Variants in MCUB observed in about 807,000 individuals in gnomAD.
MCUB encodes mitochondrial calcium uniporter dominant negative subunit beta, also known as calcium uniporter regulatory subunit MCUb, mitochondrial.
Under a neutral mutation model 41.4 loss-of-function variants are expected in MCUB, and 46 were observed. The observed-to-expected ratio is 1.11, with a 90% CI of 0.88 to 1.42. MCUB has a LOEUF of 1.42. MCUB is among the 40% of genes most tolerant of loss of function. The pLI is 0.00. For synonymous variants in MCUB, 148 were observed against 148.2 expected, an observed-to-expected ratio of 1.00 and a Z score of 0.01; for missense variants, 403 against 404.9, an observed-to-expected ratio of 1.00 and a Z score of 0.04.
intron 1 of MCUB, among the ~76,000 whole-genome samples, chr4:109,603,547 C>A (rs1158489294): frequency 6.6e-6 from 1 of 151,792 alleles, no homozygotes; most frequent in Non-Finnish European, 1.5e-5. Context: ...GTGTCTCTGC[C>A]TGGCTGCCCA....
At chr4:109,597,369 C>T (rs1480278446) in intron 1 of MCUB, among the ~76,000 whole-genome samples, 2 of 150,276 alleles carry the variant, frequency 1.3e-5, no homozygotes, top group African/African-American at 2.4e-5. Context: ...GGGCTGACCC[C>T]CCCACCTCCC....
intron 1 of MCUB, among the ~76,000 whole-genome samples, chr4:109,647,223 G>A (rs1285047477): frequency 6.6e-6 from 1 of 152,074 alleles, no homozygotes; most frequent in Non-Finnish European, 1.5e-5. Context: ...TTACATTAGG[G>A]TTCACTCTTG....
At chr4:109,607,379 G>A (rs1169436601) in intron 1 of MCUB, among the ~76,000 whole-genome samples, 1 of 151,812 alleles carries the variant, frequency 6.6e-6, no homozygotes, top group African/African-American at 2.4e-5. Context: ...CACCACGCCC[G>A]GCTAATTTTT....
At chr4:109,668,123 A>G (rs1035061438) in intron 4 of MCUB, among the ~76,000 whole-genome samples, 12 of 152,114 alleles carry the variant, frequency 7.9e-5, no homozygotes, top group Non-Finnish European at 1.5e-4. Context: ...GTTGTTGGAT[A>G]GTCTATAGAT....
intron 1 of MCUB, 99 bp downstream of exon 1, chr4:109,560,535 C>T: frequency 1.8e-6 from 1 of 568,258 alleles, no homozygotes; most frequent in Non-Finnish European, 2.6e-6. Context: ...GCCGAGCAGT[C>T]AACTGCGTTT....
Position 109,622,917 on chromosome 4 carries a change from A to G in MCUB, c.100-36094A>G, listed in dbSNP as rs184412085. Among the ~76,000 whole-genome samples the G allele has an allele frequency of 1.4e-3, 216 of 152,318 alleles. 1 individual carries two copies. Among genetic ancestry groups the G allele is most frequent in the African/African-American group, 4.9e-3 (202 of 41,580 alleles). ...CACGCATCATGCAGGTCAACAACCA[A>G]TACTCTGCTGTGTATTGTGTGACTG... On this transcript the variant is annotated intron_variant, in intron 1 of 7. Transcript: ENST00000394650.
intron 1 of MCUB, among the ~76,000 whole-genome samples, chr4:109,610,967 A>G (rs949843308): frequency 6.6e-6 from 1 of 152,322 alleles, no homozygotes; most frequent in African/African-American, 2.4e-5. Flanking sequence ...GAAATTTTGT[A>G]TGTGGGTGGC....
chr4:109,609,556 A>G lies in MCUB; in HGVS notation c.99+49120A>G, dbSNP rs1420628594. On this transcript the variant is annotated intron_variant, in intron 1 of 7. Coordinates refer to ENST00000394650, the MANE Select transcript of MCUB (RefSeq NM_017918.5). ...GACCTATATCTTGTGCCGACCTCCT[A>G]TCTCATTCTGTGACTTAGAATGTCT... Among the ~76,000 whole-genome samples, 7 of 152,134 alleles carry G rather than the reference A, an allele frequency of 4.6e-5. No homozygotes were observed. The South Asian group carries it at 8.3e-4, about 18-fold the overall frequency.
intron 4 of MCUB, among the ~76,000 whole-genome samples, chr4:109,667,546 T>C (rs1018544944): frequency 6.6e-6 from 1 of 151,592 alleles, no homozygotes; most frequent in Non-Finnish European, 1.5e-5. Context: ...TTAACATCAT[T>C]GATTTTTCTC....
At chr4:109,619,075 C>T (rs7694138) in intron 1 of MCUB, among the ~76,000 whole-genome samples, 1 of 145,134 alleles carries the variant, frequency 6.9e-6, no homozygotes, top group Non-Finnish European at 1.5e-5. Context: ...TACCTACCTA[C>T]CTATTTATTG....
intron 1 of MCUB, among the ~76,000 whole-genome samples, chr4:109,598,100 C>T (rs2126130184): frequency 6.7e-6 from 1 of 149,472 alleles, no homozygotes; most frequent in South Asian, 2.2e-4. Flanking sequence ...AGACGCTCCT[C>T]ACTTCCCAGA....
chr4:109,626,397 A>C (rs1272092905), intron 1 of MCUB, among the ~76,000 whole-genome samples: 1 of 152,230 alleles, frequency 6.6e-6, no homozygotes, highest in Non-Finnish European at 1.5e-5. Context: ...TAATATTCAG[A>C]AATCATGGCT....
intron 1 of MCUB, among the ~76,000 whole-genome samples, chr4:109,630,089 G>A (rs1054795051): frequency 3.3e-5 from 5 of 152,206 alleles, no homozygotes; most frequent in African/African-American, 1.2e-4. Context: ...CTTCTGCCAG[G>A]AAACGGGGAA....
At chr4:109,577,014 G>A (rs1005756057) in intron 1 of MCUB, among the ~76,000 whole-genome samples, 8 of 152,130 alleles carry the variant, frequency 5.3e-5, no homozygotes, top group Non-Finnish European at 2.9e-5. Context: ...ACCACGCCCA[G>A]CTAATTTTTG....
At chr4:109,601,167 T>C (rs1727724867) in intron 1 of MCUB, among the ~76,000 whole-genome samples, 1 of 152,152 alleles carries the variant, frequency 6.6e-6, no homozygotes, top group African/African-American at 2.4e-5. Flanking sequence ...ATTTATGGGG[T>C]ACATGAGATA....
At chr4:109,594,089 A>AC (rs1313339424) in intron 1 of MCUB, among the ~76,000 whole-genome samples, 15 of 152,234 alleles carry the variant, frequency 9.9e-5, no homozygotes, top group Admixed American at 9.8e-4. Flanking sequence ...GTATAGCCTT[A>AC]GTTCTGGTAT....
intron 1 of MCUB, among the ~76,000 whole-genome samples, chr4:109,572,413 G>A (rs1726934431): frequency 6.6e-6 from 1 of 152,172 alleles, no homozygotes; most frequent in African/African-American, 2.4e-5. Flanking sequence ...AGCTAAATGA[G>A]CAATAATAGT....
chr4:109,666,956 C>A (rs1353231434), intron 4 of MCUB, among the ~76,000 whole-genome samples: 14 of 152,112 alleles, frequency 9.2e-5, no homozygotes, highest in Non-Finnish European at 8.8e-5. Context: ...TGTGGTGTAG[C>A]AATCTTTTTA....
chr4:109,615,190 G>A (rs1387376957), intron 1 of MCUB, among the ~76,000 whole-genome samples: 1 of 152,130 alleles, frequency 6.6e-6, no homozygotes, highest in Non-Finnish European at 1.5e-5. Flanking sequence ...ACAGTTGAGA[G>A]CTTGCGTACT....
Sources: allele counts gnomAD v4.1 joint callset (sites outside exome capture counted in the v4.1 genomes callset), GRCh38; gene constraint gnomAD v4.1.1; transcripts MANE v1.5; gene names NCBI Gene and HGNC (gene_info 2026-07-23, HGNC 2026-07-21).